The following CARMIL1 variants were observed in gnomAD, a reference collection of about 807,000 sequenced individuals.
The protein encoded by CARMIL1 is F-actin-uncapping protein LRRC16A.
In CARMIL1, 90 loss-of-function variants were observed where a neutral mutation model predicts 177.1. The ratio of observed to expected loss-of-function variants is 0.51; its 90% CI spans 0.43 to 0.61. The LOEUF (loss-of-function observed/expected upper bound fraction) is 0.61, where lower values mean the gene tolerates loss of function less well. CARMIL1 is among the 20% of genes least tolerant of loss of function. CARMIL1 has a pLI of 0.00. For synonymous variants in CARMIL1, 577 were observed against 606.2 expected (o/e 0.95, Z 0.71); for missense variants, 1,380 against 1,667.0 (o/e 0.83, Z 3.00).
intron 29 of CARMIL1, 54 bp downstream of exon 29, chr6:25,556,904 G>C: frequency 8.9e-7 from 1 of 1,129,366 alleles, no homozygotes; most frequent in Non-Finnish European, 1.2e-6. Context: ...CTGTGCCATT[G>C]TTTTTTTTTT....
intron 2 of CARMIL1, among the ~76,000 whole-genome samples, chr6:25,351,118 C>T (rs1036952394): frequency 3.9e-5 from 6 of 152,032 alleles, no homozygotes; most frequent in African/African-American, 1.2e-4. Context: ...TCTATGGTAG[C>T]TGCTAGTCAC....
Position 25,600,732 on chromosome 6 carries a change from G to A in CARMIL1, c.3538G>A (p.Ala1180Thr). The A allele has an allele frequency of 1.3e-6, 2 of 1,541,214 alleles. No individual in the cohort carries two copies. Among genetic ancestry groups the A allele is most frequent in the Non-Finnish European group, 1.7e-6 (2 of 1,147,310 alleles). Residue 1180 changes from alanine (A) to threonine (T), a missense_variant, in exon 33 of 37, where the codon GCG (alanine) becomes ACG (threonine). By Grantham distance (58) the Ala-to-Thr change is moderately conservative. Transcript: ENST00000329474. ...GAAAGCCAAGCAAGAGAAGAGAGCTGCGTGTGCGCAGAAGGTAAGGGTGGA... is the reference window on the plus strand; with the variant it reads ...GAAAGCCAAGCAAGAGAAGAGAGCTACGTGTGCGCAGAAGGTAAGGGTGGA... ...EMKAKQEKRA[A>T]CAQKKLGNDA...
At chr6:25,311,042 TGTG>T (rs1783777622) in intron 2 of CARMIL1, among the ~76,000 whole-genome samples, 1 of 149,076 alleles carries the variant, frequency 6.7e-6, no homozygotes, top group Admixed American at 6.7e-5. Context: ...ACTGGCCGGG[TGTG>T]GTGGTGGGCG....
chr6:25,406,189 AAT>A (rs1794351103), intron 2 of CARMIL1, among the ~76,000 whole-genome samples: 1 of 152,204 alleles, frequency 6.6e-6, no homozygotes, highest in African/African-American at 2.4e-5. Flanking sequence ...GGGAGTATAT[AAT>A]AGGGAGACCT....
intron 2 of CARMIL1, among the ~76,000 whole-genome samples, chr6:25,360,628 A>T (rs1369373752): frequency 6.6e-6 from 1 of 152,216 alleles, no homozygotes; most frequent in Non-Finnish European, 1.5e-5. Context: ...TAGCCAAGGC[A>T]AATGCTGCTC....
At chr6:25,387,983 A>G (rs1367580580) in intron 2 of CARMIL1, among the ~76,000 whole-genome samples, 1 of 152,182 alleles carries the variant, frequency 6.6e-6, no homozygotes, top group Non-Finnish European at 1.5e-5. Context: ...ACGATGAGAG[A>G]AACAGTTCAT....
At chr6:25,348,978 C>G (rs1032946748) in intron 2 of CARMIL1, among the ~76,000 whole-genome samples, 1 of 152,034 alleles carries the variant, frequency 6.6e-6, no homozygotes, top group Non-Finnish European at 1.5e-5. Context: ...GCTTTTGTAC[C>G]TCATCTTTAT....
intron 2 of CARMIL1, among the ~76,000 whole-genome samples, chr6:25,380,840 T>A (rs1477194110): frequency 1.3e-5 from 2 of 150,196 alleles, no homozygotes; most frequent in Non-Finnish European, 3.0e-5. Flanking sequence ...GTACTCTTTT[T>A]TGCCAGATGT....
intron 2 of CARMIL1, among the ~76,000 whole-genome samples, chr6:25,386,905 A>G (rs1792216116): frequency 6.6e-6 from 1 of 151,936 alleles, no homozygotes; most frequent in Non-Finnish European, 1.5e-5. Flanking sequence ...AGGTGGGCGT[A>G]TCACCTGAGG....
chr6:25,515,623 T>C lies in CARMIL1; in HGVS notation c.1633-52T>C. 1.3e-6 allele frequency: 2 copies of C among 1,510,288 alleles called. No homozygotes were observed. The highest frequency in any genetic ancestry group is 1.4e-5 in the African/African-American group (1 of 72,336). The allele number at this position is 1,510,288 out of a possible 1,614,324, so 93.6% of individuals were successfully genotyped here. A position where few individuals can be genotyped will look rare whatever the true frequency, so the allele number is the denominator to read the frequency against. On this transcript the variant is annotated intron_variant, in intron 20 of 36. Transcript: ENST00000329474. The surrounding 1 kb of genome is among the most constrained non-coding windows in gnomAD (Gnocchi z 5.0). ...TCTCCACGAAATGCGTCGTGGAGAG[T>C]GGGTGCTGCTTTGATGAGACTGCTG...
intron 2 of CARMIL1, among the ~76,000 whole-genome samples, chr6:25,364,315 C>G (rs187807507): frequency 7.9e-5 from 12 of 152,214 alleles, no homozygotes; most frequent in Non-Finnish European, 1.6e-4. Flanking sequence ...TGCAGTTTTT[C>G]ACATGTGAAA....
intron 2 of CARMIL1, among the ~76,000 whole-genome samples, chr6:25,399,973 C>G (rs80200729): frequency 0.019 from 2,950 of 152,192 alleles, 115 homozygotes; most frequent in East Asian, 0.13. Context: ...GTTTTTACAG[C>G]CAAGGGTGAG....
intron 22 of CARMIL1, 53 bp downstream of exon 22, chr6:25,517,468 G>A (rs1367533883): frequency 6.5e-6 from 9 of 1,384,008 alleles, no homozygotes. Context: ...AAAAACCAAT[G>A]GTATATATGT....
chr6:25,497,820 G>T (rs922910555), intron 16 of CARMIL1, among the ~76,000 whole-genome samples: 2 of 152,142 alleles, frequency 1.3e-5, no homozygotes, highest in African/African-American at 4.8e-5. Context: ...AAGCGAATTG[G>T]GGAAGTAGAG....
intron 30 of CARMIL1, 91 bp downstream of exon 30, chr6:25,581,081 T>G (rs1247653809): frequency 2.3e-5 from 31 of 1,325,300 alleles, no homozygotes; most frequent in Non-Finnish European, 3.2e-5. Flanking sequence ...TCCTTATGGA[T>G]GCACTACATG....
chr6:25,587,303 C>G (rs868189356), intron 31 of CARMIL1, among the ~76,000 whole-genome samples: 11 of 152,050 alleles, frequency 7.2e-5, no homozygotes, highest in African/African-American at 2.7e-4. Context: ...TACATTATAG[C>G]TGCTTAGCCC....
intron 29 of CARMIL1, among the ~76,000 whole-genome samples, chr6:25,568,896 A>T (rs1811809961): frequency 6.6e-6 from 1 of 152,204 alleles, no homozygotes; most frequent in Non-Finnish European, 1.5e-5. Context: ...ATTAAATCAA[A>T]CAATAGCTAA....
rs376893718 is a variant in CARMIL1, at chr6:25,542,793, TA to T, written c.2328+2723del. 2.8e-3 allele frequency among the ~76,000 whole-genome samples: 432 copies of T among 152,066 alleles called. 4 individuals are homozygous for T. Among genetic ancestry groups the T allele is most frequent in the East Asian group, 0.027 (141 of 5,184 alleles). On this transcript the variant is annotated intron_variant, in intron 26 of 36. Transcript: ENST00000329474. ...TGACAAGTGGACAACCTTTTACTAT[TA>T]AAAAAAATACCATTTGTCTATATAA...
chr6:25,284,757 AC>A, intron 1 of CARMIL1, 54 bp from the exon 2 acceptor site: 1 of 956,932 alleles, frequency 1.0e-6, no homozygotes, highest in Non-Finnish European at 1.6e-6. Flanking sequence ...CCAAATGCTT[AC>A]TCCTCCTCAG....
Sources: allele counts gnomAD v4.1 joint callset (sites outside exome capture counted in the v4.1 genomes callset), GRCh38; gene constraint gnomAD v4.1.1; non-coding constraint Gnocchi (gnomAD v3.1); transcripts MANE v1.5; gene names NCBI Gene and HGNC (gene_info 2026-07-23, HGNC 2026-07-21).